Variants in SERPINB10 observed in about 807,000 individuals in gnomAD.
SERPINB10 encodes the protein serpin family B member 10, also known as serpin B10.
A neutral mutation model predicts 39.1 loss-of-function variants in SERPINB10; 35 were observed. The observed-to-expected ratio is 0.90, with a 90% confidence interval of 0.68 to 1.19. The LOEUF (loss-of-function observed/expected upper bound fraction) is 1.19. Ranked by LOEUF, SERPINB10 falls within the 50% of genes most tolerant of loss-of-function variation. SERPINB10 has a pLI of 0.00. For missense variants in SERPINB10, 546 were observed against 460.5 expected (o/e 1.19, Z -1.70); for synonymous variants, 190 against 158.1 (o/e 1.20, Z -1.52).
In SERPINB10 at chr18:63,930,093, G is replaced by C; in HGVS notation, c.539G>C (p.Arg180Thr). Residue 180 changes from arginine to threonine, a missense_variant, in exon 6 of 8, where the codon AGG becomes ACG. By Grantham distance (71) the Arg-to-Thr change is moderately conservative. Coordinates refer to ENST00000238508, the MANE Select transcript of SERPINB10 (RefSeq NM_005024.3). ...GATGACTCTGTGGATTCCACAACCAGGATGATTCTGGTGAACGCCCTATAC... is the reference window on the plus strand; with the variant it reads ...GATGACTCTGTGGATTCCACAACCACGATGATTCTGGTGAACGCCCTATAC... ...LPDDSVDSTT[R>T]MILVNALYFK... 6 of 1,613,494 alleles carry C rather than the reference G, an allele frequency of 3.7e-6. No individual in the cohort carries two copies. The highest frequency in any genetic ancestry group is 5.1e-6 in the Non-Finnish European group (6 of 1,179,650).
At chr18:63,930,604 T>G (rs2050215381) in intron 6 of SERPINB10, among the ~76,000 whole-genome samples, 1 of 152,092 alleles carries the variant, frequency 6.6e-6, no homozygotes, top group African/African-American at 2.4e-5. Flanking sequence ...GTAAAAGCAA[T>G]AAAAACGGAG....
intron 5 of SERPINB10, 111 bp from the exon 6 acceptor site, chr18:63,929,934 G>C: frequency 1.8e-6 from 2 of 1,104,420 alleles, no homozygotes; most frequent in Non-Finnish European, 2.6e-6. Context: ...CAAAAACCAG[G>C]ACTTTTAAAG....
intron 6 of SERPINB10, among the ~76,000 whole-genome samples, 193 bp from the exon 7 acceptor site, chr18:63,932,855 T>A (rs1394957101): frequency 6.6e-6 from 1 of 152,214 alleles, no homozygotes; most frequent in African/African-American, 2.4e-5. Flanking sequence ...AACTCACATA[T>A]CTGCTATTGC....
chr18:63,927,023 A>T (rs897090232), intron 5 of SERPINB10, among the ~76,000 whole-genome samples: 3 of 151,950 alleles, frequency 2.0e-5, no homozygotes, highest in African/African-American at 7.2e-5. Context: ...ATTGTTTTTT[A>T]GTTGATTCTC....
chr18:63,935,171 C>T lies in SERPINB10; in HGVS notation c.1123C>T (p.Pro375Ser). The T allele has an allele frequency of 6.2e-7, 1 of 1,612,724 alleles. No individual in the cohort carries two copies. The highest frequency in any genetic ancestry group is 8.5e-7 in the Non-Finnish European group (1 of 1,179,820). The change falls in exon 8 of 8, where the codon CCA becomes TCA. Residue 375 changes from proline to serine, a missense_variant. By Grantham distance (74) the Pro-to-Ser change is moderately conservative (BLOSUM62 -1). Coordinates refer to ENST00000238508, the MANE Select transcript of SERPINB10 (RefSeq NM_005024.3). ...VPSIEFNANH[P>S]FLFFIRHNKT... ...ATCCATTGAATTCAATGCAAATCAC[C>T]CATTCCTCTTCTTCATCAGGCACAA...
chr18:63,934,854 C>T lies in SERPINB10; in HGVS notation c.806C>T (p.Thr269Ile), dbSNP rs201748994. 54 of 1,607,258 alleles carry T rather than the reference C, an allele frequency of 3.4e-5. No homozygotes were observed. In the East Asian group the frequency reaches 1.1e-3, roughly 34 times the overall value. Residue 269 changes from threonine to isoleucine, a missense_variant, in exon 8 of 8, where the codon ACC becomes ATC. Coordinates refer to ENST00000238508, the MANE Select transcript of SERPINB10 (RefSeq NM_005024.3). Reference sequence around the variant, plus strand: ...AATGGGCAGCTGGAAAAGGCCATCACCTATGAGAAGCTGAATGAGTGGACC... The same window carrying T: ...AATGGGCAGCTGGAAAAGGCCATCATCTATGAGAAGCTGAATGAGTGGACC... ...NGLEQLEKAI[T>I]YEKLNEWTSA...
chr18:63,928,597 C>T (rs1311791903), intron 5 of SERPINB10, among the ~76,000 whole-genome samples: 1 of 151,964 alleles, frequency 6.6e-6, no homozygotes, highest in African/African-American at 2.4e-5. Flanking sequence ...TCAGTCCCCT[C>T]GAAATAGGGG....
intron 1 of SERPINB10, among the ~76,000 whole-genome samples, chr18:63,912,016 G>GTATT (rs2050068552): frequency 6.6e-6 from 1 of 151,628 alleles, no homozygotes; most frequent in East Asian, 1.9e-4. Context: ...GTATTCCTGG[G>GTATT]TATTTTATTT....
rs747433281 is a variant in SERPINB10, at chr18:63,918,018, C to T, written c.288C>T (p.Ile96=). 1.9e-6 allele frequency: 3 copies of T among 1,611,832 alleles called. No homozygotes were observed. The highest frequency in any genetic ancestry group is 1.3e-5 in the African/African-American group (1 of 74,816). The change falls in exon 4 of 8, where the codon ATC becomes ATT. Residue 96 remains isoleucine (I), a synonymous_variant. Transcript: ENST00000238508. ...EEIHSDFQTL[I]SEILKPNDDY... ...TACACTCTGATTTCCAAACACTTAT[C>T]TCAGAAATCCTCAAGCCCAACGATG...
At chr18:63,929,114 T>C (rs1460311270) in intron 5 of SERPINB10, among the ~76,000 whole-genome samples, 6 of 152,026 alleles carry the variant, frequency 3.9e-5, no homozygotes, top group Non-Finnish European at 8.8e-5. Context: ...AGAAAGTCTT[T>C]CCAACAGCTA....
intron 7 of SERPINB10, among the ~76,000 whole-genome samples, chr18:63,934,004 G>T (rs1458191633): frequency 6.6e-6 from 1 of 152,086 alleles, no homozygotes; most frequent in Non-Finnish European, 1.5e-5. Flanking sequence ...AACCAGTGTG[G>T]ACAAATAACC....
rs371774354 is a variant in SERPINB10, at chr18:63,934,804, A to G, written c.790-34A>G. The G allele has an allele frequency of 5.8e-6, 9 of 1,561,570 alleles. No individual in the cohort carries two copies. The African/African-American group carries it at 1.1e-4, about 19-fold the overall frequency. Reference sequence around the variant, plus strand: ...CTGTTTTTCATTCCACTTTGGAATTACTGATTCTTTCTTTCTTGGTTCCAA... The same window carrying G: ...CTGTTTTTCATTCCACTTTGGAATTGCTGATTCTTTCTTTCTTGGTTCCAA... On this transcript the variant is annotated intron_variant, in intron 7 of 7. Coordinates refer to ENST00000238508, the MANE Select transcript of SERPINB10 (RefSeq NM_005024.3).
intron 7 of SERPINB10, 81 bp downstream of exon 7, chr18:63,933,284 A>G: frequency 6.9e-7 from 1 of 1,455,058 alleles, no homozygotes; most frequent in South Asian, 1.2e-5. Context: ...GGTTTCTCCC[A>G]ATTGTCCTCA....
chr18:63,930,162 C>A lies in SERPINB10; in HGVS notation c.608C>A (p.Thr203Lys), dbSNP rs1270014388. The A allele has an allele frequency of 1.2e-6, 2 of 1,613,270 alleles. No individual in the cohort carries two copies. The highest frequency in any genetic ancestry group is 1.7e-6 in the Non-Finnish European group (2 of 1,179,542). Residue 203 changes from threonine (T) to lysine (K), a missense_variant, in exon 6 of 8, where the codon ACA (threonine) becomes AAA (lysine). By Grantham distance (78) the Thr-to-Lys change is moderately conservative (BLOSUM62 -1). Transcript: ENST00000238508. ...WEHQFLVQNT[T>K]EKPFRINETT... ...CATCAATTCTTAGTGCAAAACACCACAGAAAAGCCTTTTAGAATAAACGAG... is the reference window on the plus strand; with the variant it reads ...CATCAATTCTTAGTGCAAAACACCAAAGAAAAGCCTTTTAGAATAAACGAG...
chr18:63,922,951 T>C (rs1233923124), intron 5 of SERPINB10, among the ~76,000 whole-genome samples: 8 of 151,978 alleles, frequency 5.3e-5, no homozygotes, highest in Non-Finnish European at 2.9e-5. Flanking sequence ...AGAAGTTTCA[T>C]TTCTGAAGAA....
At chr18:63,929,983 G>A in intron 5 of SERPINB10, 62 bp from the exon 6 acceptor site, 2 of 1,530,200 alleles carry the variant, frequency 1.3e-6, no homozygotes, top group South Asian at 1.2e-5. Context: ...AAGCCTGGTT[G>A]TCTTTAGTTA....
intron 4 of SERPINB10, 94 bp downstream of exon 4, chr18:63,918,196 A>T: frequency 7.5e-7 from 1 of 1,339,186 alleles, no homozygotes; most frequent in Non-Finnish European, 1.0e-6. Flanking sequence ...GGATCCAGGG[A>T]CAATCTTCAT....
At position 63,935,100 on chromosome 18, in the gene SERPINB10, C is replaced by G; in HGVS notation, c.1052C>G (p.Ala351Gly). The G allele has an allele frequency of 6.2e-7, 1 of 1,614,092 alleles. No homozygotes were observed. Among genetic ancestry groups the G allele is most frequent in the Middle Eastern group, 1.6e-4 (1 of 6,062 alleles). ...GAAATAAATGAACAAGGTACTGAAG[C>G]TGCAGCTGGCAGTGGGAGTGAGATA... The part of the protein sequence containing the change: ...FVEINEQGTE[A>G]AAGSGSEIDI... Residue 351 changes from alanine to glycine, a missense_variant, in exon 8 of 8, where the codon GCT becomes GGT. Transcript: ENST00000238508.
At position 63,935,122 on chromosome 18, in the gene SERPINB10, G is replaced by A. The variant is rs756605018; in HGVS notation, c.1074G>A (p.Glu358=). The stretch of plus-strand genomic sequence containing the variant: ...AAGCTGCAGCTGGCAGTGGGAGTGA[G>A]ATAGATATACGAATTAGAGTCCCAT... The part of the protein sequence containing the change: ...GTEAAAGSGS[E]IDIRIRVPSI... The change falls in exon 8 of 8, where the codon GAG becomes GAA. Residue 358 remains glutamate (E), a synonymous_variant. Transcript: ENST00000238508. 2.5e-6 allele frequency: 4 copies of A among 1,613,786 alleles called. 1 individual carries two copies. Among genetic ancestry groups the A allele is most frequent in the East Asian group, 4.5e-5 (2 of 44,888 alleles).
Sources: gnomAD v4.1 joint callset for allele counts (sites outside exome capture counted in the v4.1 genomes callset) on GRCh38, gnomAD v4.1.1 for gene constraint, MANE v1.5 for transcripts, NCBI Gene and HGNC (gene_info 2026-07-23, HGNC 2026-07-21) for gene names.